The following CHST8 variants were observed in gnomAD, a reference collection of about 807,000 sequenced individuals.
The protein encoded by CHST8 is GALNAC-4-ST1.
CHST8 carries 10 observed loss-of-function variants against 15.0 expected under a neutral mutation model. The ratio of observed to expected loss-of-function variants is 0.67; its 90% CI spans 0.41 to 1.13. CHST8 has a LOEUF of 1.13. CHST8 is among the 50% of genes most tolerant of loss of function. The probability of loss-of-function intolerance (pLI) is 0.00; values close to 1 mark genes in which losing one functional copy is unlikely to be tolerated. For missense variants in CHST8, 634 were observed against 608.2 expected (o/e 1.04, Z -0.45); for synonymous variants, 259 against 256.6 (o/e 1.01, Z -0.09).
At chr19:33,712,730 C>G (rs1341803132) in intron 3 of CHST8, among the ~76,000 whole-genome samples, 1 of 152,172 alleles carries the variant, frequency 6.6e-6, no homozygotes, top group Non-Finnish European at 1.5e-5. Context: ...AGCACTCCCT[C>G]TATCCTGAGT....
At chr19:33,749,193 G>A (rs1974368406) in intron 3 of CHST8, among the ~76,000 whole-genome samples, 1 of 152,138 alleles carries the variant, frequency 6.6e-6, no homozygotes, top group Non-Finnish European at 1.5e-5. Context: ...AGCTCTGAGG[G>A]AAAGCAGCAG....
chr19:33,639,638 T>C (rs1420875435), intron 1 of CHST8, among the ~76,000 whole-genome samples: 1 of 151,932 alleles, frequency 6.6e-6, no homozygotes, highest in Non-Finnish European at 1.5e-5. Context: ...GTGGAGATCG[T>C]TGATGGGTGG....
chr19:33,640,223 G>A (rs1358814349), intron 1 of CHST8, among the ~76,000 whole-genome samples: 4 of 152,178 alleles, frequency 2.6e-5, no homozygotes, highest in South Asian at 2.1e-4. Flanking sequence ...ACCACGGCCA[G>A]GATCTAGCAC....
At chr19:33,696,102 A>G (rs1444284761) in intron 3 of CHST8, among the ~76,000 whole-genome samples, 1 of 152,012 alleles carries the variant, frequency 6.6e-6, no homozygotes, top group East Asian at 1.9e-4. Context: ...CTGGGATTGC[A>G]GGCGTGAGCC....
At chr19:33,758,922 C>CG (rs143978654) in intron 3 of CHST8, among the ~76,000 whole-genome samples, 9,475 of 146,700 alleles carry the variant, frequency 0.065, 805 homozygotes, top group African/African-American at 0.2. Flanking sequence ...GGTTTCTTGG[C>CG]GGGGGGGGGC....
At chr19:33,693,726 G>A (rs142428331) in intron 3 of CHST8, among the ~76,000 whole-genome samples, 106 of 152,246 alleles carry the variant, frequency 7.0e-4, no homozygotes, top group African/African-American at 2.4e-3. Context: ...GAATCTTGAA[G>A]CTTGATCAGA....
chr19:33,648,711 T>C (rs1972388611), intron 1 of CHST8, among the ~76,000 whole-genome samples: 1 of 152,050 alleles, frequency 6.6e-6, no homozygotes, highest in Non-Finnish European at 1.5e-5. Context: ...CCTGGGTGTA[T>C]ACCCAAGAGA....
At chr19:33,731,686 G>A (rs1424016651) in intron 3 of CHST8, among the ~76,000 whole-genome samples, 2 of 152,152 alleles carry the variant, frequency 1.3e-5, no homozygotes, top group Admixed American at 1.3e-4. Flanking sequence ...TATACAAGAT[G>A]GAGTCACTCT....
chr19:33,772,295 G>T lies in CHST8; in HGVS notation c.507G>T (p.Ala169=). The T allele has an allele frequency of 6.2e-7, 1 of 1,602,554 alleles. No individual in the cohort carries two copies. Among genetic ancestry groups the T allele is most frequent in the Non-Finnish European group, 8.5e-7 (1 of 1,179,046 alleles). The change falls in exon 5 of 5, where the codon GCG becomes GCT. Residue 169 remains alanine (A), a synonymous_variant. Transcript: ENST00000650847. The part of the protein sequence containing the change: ...VMQEACAKYR[A]SSSRRAVTPR... ...AGGAGGCCTGCGCCAAGTACCGGGC[G>T]AGCAGCAGCCGCCGGGCCGTCACGC...
At chr19:33,750,952 G>T (rs4805936) in intron 3 of CHST8, among the ~76,000 whole-genome samples, 46,610 of 151,036 alleles carry the variant, frequency 0.31, 7,667 homozygotes, top group African/African-American at 0.44. Flanking sequence ...AGGGCCTGAG[G>T]ATTTCATTAT....
chr19:33,717,137 G>C (rs1973679278), intron 3 of CHST8, among the ~76,000 whole-genome samples: 1 of 152,160 alleles, frequency 6.6e-6, no homozygotes, highest in African/African-American at 2.4e-5. Context: ...AGAAAATAGT[G>C]CAAGTATAGG....
chr19:33,694,216 ATAT>A (rs1973163327), intron 3 of CHST8, among the ~76,000 whole-genome samples: 2 of 79,488 alleles, frequency 2.5e-5, no homozygotes, highest in African/African-American at 1.2e-4. Context: ...ATATATATAT[ATAT>A]AATGTTACCA....
chr19:33,772,108 T>TC lies in CHST8; in HGVS notation c.322dup (p.Arg108ProfsTer166). ...CTGCAGAGGGGAACCCGTCTGCGGC[T>TC]CCGCCAGCGCCGTCGCCGTCTGCTC... On this transcript the variant is annotated frameshift_variant, in exon 5 of 5. Coordinates refer to ENST00000650847, the MANE Select transcript of CHST8 (RefSeq NM_001127895.2). LOFTEE classifies it low-confidence loss of function (END_TRUNC). 6.2e-7 allele frequency: 1 copy of TC among 1,611,406 alleles called. No homozygotes were observed. The highest frequency in any genetic ancestry group is 8.5e-7 in the Non-Finnish European group (1 of 1,179,340).
At chr19:33,657,560 C>A (rs1365837904) in intron 1 of CHST8, among the ~76,000 whole-genome samples, 1 of 151,652 alleles carries the variant, frequency 6.6e-6, no homozygotes, top group Non-Finnish European at 1.5e-5. Flanking sequence ...GCATAAGCCA[C>A]CACACCTGGC....
At chr19:33,759,770 G>A (rs1473848736) in intron 3 of CHST8, among the ~76,000 whole-genome samples, 1 of 152,234 alleles carries the variant, frequency 6.6e-6, no homozygotes, top group African/African-American at 2.4e-5. Context: ...TCAGAAGCCA[G>A]CGTCTCCCTC....
At chr19:33,722,549 T>G (rs4805930) in intron 3 of CHST8, among the ~76,000 whole-genome samples, 4,506 of 152,322 alleles carry the variant, frequency 0.03, 75 homozygotes, top group African/African-American at 0.042. Flanking sequence ...AGCATTCCTG[T>G]GGTCTTGTCA....
At chr19:33,704,652 G>A (rs1024617966) in intron 3 of CHST8, among the ~76,000 whole-genome samples, 3 of 152,196 alleles carry the variant, frequency 2.0e-5, no homozygotes, top group African/African-American at 4.8e-5. Context: ...GCTCACACCT[G>A]TAATCCCAGC....
chr19:33,721,169 C>T (rs1031137867), intron 3 of CHST8, among the ~76,000 whole-genome samples: 1 of 152,224 alleles, frequency 6.6e-6, no homozygotes, highest in African/African-American at 2.4e-5. Flanking sequence ...TCTCTGGGGG[C>T]CCGCAGCCAT....
intron 1 of CHST8, among the ~76,000 whole-genome samples, chr19:33,629,044 C>T (rs1383365016): frequency 1.3e-5 from 2 of 152,188 alleles, no homozygotes; most frequent in Non-Finnish European, 2.9e-5. Flanking sequence ...AGCCCTAGCA[C>T]GTCCAGGGCA....
Sources: gnomAD v4.1 joint callset for allele counts (sites outside exome capture counted in the v4.1 genomes callset) on GRCh38, gnomAD v4.1.1 for gene constraint, MANE v1.5 for transcripts, NCBI Gene and HGNC (gene_info 2026-07-23, HGNC 2026-07-21) for gene names.